The following METTL15 variants were observed in gnomAD, a reference collection of about 807,000 sequenced individuals.
METTL15 encodes the protein 12S rRNA N(4)-cytidine methyltransferase METTL15.
In METTL15, 34 loss-of-function variants were observed where a neutral mutation model predicts 38.3. The ratio of observed to expected loss-of-function variants is 0.89; its 90% confidence interval spans 0.68 to 1.18. The LOEUF is 1.18. Among genes scored for constraint, METTL15 ranks in the 50% most tolerant of loss-of-function variants. METTL15 has a pLI of 0.00. For synonymous variants in METTL15, 162 were observed against 170.9 expected (o/e 0.95, Z 0.41); for missense variants, 438 against 498.4 (o/e 0.88, Z 1.15).
At chr11:28,273,020 T>C (rs1177157319) in intron 4 of METTL15, among the ~76,000 whole-genome samples, 2 of 152,180 alleles carry the variant, frequency 1.3e-5, no homozygotes, top group African/African-American at 4.8e-5. Flanking sequence ...ATGATAAAAA[T>C]GTTTACATTA....
At chr11:28,369,839 G>C (rs1428152086) in intron 5 of METTL15, among the ~76,000 whole-genome samples, 1 of 152,106 alleles carries the variant, frequency 6.6e-6, no homozygotes, top group Non-Finnish European at 1.5e-5. Context: ...AGGCATAAGA[G>C]AAAAGTAAAG....
chr11:28,336,397 A>G (rs979814097), downstream of METTL15, among the ~76,000 whole-genome samples: 2 of 152,112 alleles, frequency 1.3e-5, no homozygotes, highest in African/African-American at 2.4e-5. Context: ...ATTGAGGGGG[A>G]AAAGGAAATG....
intron 6 of METTL15, among the ~76,000 whole-genome samples, chr11:28,449,114 T>C (rs890037493): frequency 6.6e-6 from 1 of 152,206 alleles, no homozygotes; most frequent in African/African-American, 2.4e-5. Flanking sequence ...CTGGGATCAT[T>C]GCGCTATTTT....
chr11:28,479,057 TTGTGTGTGTGTGTGTGTGTGTG>T (rs71050961), intron 6 of METTL15, among the ~76,000 whole-genome samples: 2 of 146,722 alleles, frequency 1.4e-5, no homozygotes, highest in African/African-American at 5.0e-5. Context: ...TTATTTCTCT[TTGTGTGTGTGTGTGTGTGTGTG>T]TGTGTGTGTG....
At chr11:28,171,445 A>G (rs1230056297) in intron 3 of METTL15, among the ~76,000 whole-genome samples, 1 of 152,176 alleles carries the variant, frequency 6.6e-6, no homozygotes, top group Non-Finnish European at 1.5e-5. Flanking sequence ...AGGTTTGCCA[A>G]ATGTTCTTAA....
At chr11:28,398,582 C>G (rs1352124546) in intron 5 of METTL15, among the ~76,000 whole-genome samples, 1 of 152,098 alleles carries the variant, frequency 6.6e-6, no homozygotes, top group South Asian at 2.1e-4. Context: ...AGCCCCTTGT[C>G]AGATGGATAG....
intron 3 of METTL15, among the ~76,000 whole-genome samples, chr11:28,120,562 A>G (rs1431587626): frequency 6.6e-6 from 1 of 152,018 alleles, no homozygotes; most frequent in Non-Finnish European, 1.5e-5. Flanking sequence ...TGATTTTAGT[A>G]TTTGCAAATT....
At chr11:28,304,833 C>A (rs1422867374) in intron 6 of METTL15, among the ~76,000 whole-genome samples, 1 of 152,114 alleles carries the variant, frequency 6.6e-6, no homozygotes. Context: ...TAATAACTTA[C>A]ATGTTGCTTC....
intron 5 of METTL15, among the ~76,000 whole-genome samples, chr11:28,392,064 T>A (rs1038293950): frequency 6.6e-6 from 1 of 152,150 alleles, no homozygotes; most frequent in South Asian, 2.1e-4. Flanking sequence ...CAATCTACTC[T>A]TCAGACAAAG....
intron 3 of METTL15, among the ~76,000 whole-genome samples, chr11:28,205,354 G>A (rs1852286116): frequency 6.7e-6 from 1 of 150,102 alleles, no homozygotes; most frequent in African/African-American, 2.5e-5. Flanking sequence ...AGACTATGCA[G>A]TGTTTGTTTT....
intron 3 of METTL15, among the ~76,000 whole-genome samples, chr11:28,177,328 T>TA (rs1162202774): frequency 6.6e-6 from 1 of 151,956 alleles, no homozygotes; most frequent in African/African-American, 2.4e-5. Flanking sequence ...GTTAGATTTT[T>TA]AAAAAAAGTA....
intron 4 of METTL15, among the ~76,000 whole-genome samples, chr11:28,237,992 A>G (rs10742190): frequency 1 from 151,838 of 152,264 alleles, 75,707 homozygotes; most frequent in Non-Finnish European, 1. Flanking sequence ...ACCCGGCCGT[A>G]TGAGGTGTCA....
intron 4 of METTL15, among the ~76,000 whole-genome samples, chr11:28,213,616 T>TAA (rs530637462): frequency 1.7e-4 from 23 of 132,694 alleles, no homozygotes; most frequent in South Asian, 1.4e-3. Flanking sequence ...ATCTAATTCT[T>TAA]AAAAAAAAAA....
chr11:28,371,983 T>G (rs1427284782), intron 5 of METTL15, among the ~76,000 whole-genome samples: 1 of 152,028 alleles, frequency 6.6e-6, no homozygotes, highest in Non-Finnish European at 1.5e-5. Context: ...CTTTTTTTCT[T>G]TCTCTCACCT....
At position 28,340,024 on chromosome 11, in the gene METTL15, T is replaced by C. The variant is rs555820014; in HGVS notation, c.*190-12066T>C. 4.6e-5 allele frequency among the ~76,000 whole-genome samples: 7 copies of C among 151,960 alleles called. No homozygotes were observed. In the East Asian group the frequency reaches 1.4e-3, roughly 29 times the overall value. Reference sequence around the variant, plus strand: ...TGAGAATTATGGTTACAAAGCAAAATACACAAGGCTTGAAAATATAAAACT... The same window carrying C: ...TGAGAATTATGGTTACAAAGCAAAACACACAAGGCTTGAAAATATAAAACT... On this transcript the variant is annotated intron_variant and NMD_transcript_variant, in intron 3 of 7. Coordinates refer to the METTL15 transcript ENST00000532947.
chr11:28,374,794 C>T (rs1418738863), intron 5 of METTL15, among the ~76,000 whole-genome samples: 20 of 150,826 alleles, frequency 1.3e-4, no homozygotes, highest in African/African-American at 4.9e-4. Context: ...ATGGTATTGG[C>T]TGTGGGTTTG....
chr11:28,312,838 A>G (rs752842287), intron 6 of METTL15, among the ~76,000 whole-genome samples: 3 of 152,136 alleles, frequency 2.0e-5, no homozygotes, highest in Non-Finnish European at 4.4e-5. Context: ...CACTCCTGAG[A>G]TGGTAGCATT....
intron 4 of METTL15, among the ~76,000 whole-genome samples, chr11:28,256,398 T>C (rs1854971600): frequency 6.6e-6 from 1 of 152,224 alleles, no homozygotes; most frequent in Admixed American, 6.5e-5. Context: ...ATTTGTCTTT[T>C]TGGGTTTTGG....
At chr11:28,511,604 G>A (rs902156317) in intron 6 of METTL15, among the ~76,000 whole-genome samples, 7 of 152,026 alleles carry the variant, frequency 4.6e-5, no homozygotes, top group African/African-American at 1.4e-4. Flanking sequence ...GTGAAGCTGC[G>A]GACCTTCGCG....
Sources: allele counts gnomAD v4.1 joint callset (sites outside exome capture counted in the v4.1 genomes callset), GRCh38; gene constraint gnomAD v4.1.1; transcripts MANE v1.5; gene names NCBI Gene and HGNC (gene_info 2026-07-23, HGNC 2026-07-21).